The following MAP2 variants were observed in gnomAD, a reference collection of about 807,000 sequenced individuals.
The protein encoded by MAP2 is microtubule associated protein 2.
MAP2 carries 14 observed loss-of-function variants against 137.6 expected under a neutral mutation model. The ratio of observed to expected loss-of-function variants is 0.10; its 90% CI spans 0.07 to 0.16. The LOEUF (loss-of-function observed/expected upper bound fraction) is 0.16. Ranked by LOEUF, MAP2 falls within the 10% of genes least tolerant of loss-of-function variation. The pLI, the probability that MAP2 is intolerant of heterozygous loss-of-function variation, is 1.00. For synonymous variants in MAP2, 786 were observed against 782.3 expected (o/e 1.00, Z -0.08); for missense variants, 2,088 against 2,191.5 (o/e 0.95, Z 0.94).
At chr2:209,661,375 C>T (rs2043547880) in intron 5 of MAP2, 2 of 267,624 alleles carry the variant, frequency 7.5e-6, no homozygotes, top group African/African-American at 2.3e-5. Context: ...TAAACAAGCT[C>T]GCCTAACAAT....
chr2:209,580,549 A>C (rs1012298126), intron 3 of MAP2, among the ~76,000 whole-genome samples: 1 of 152,208 alleles, frequency 6.6e-6, no homozygotes, highest in Non-Finnish European at 1.5e-5. Flanking sequence ...ACGAAAGCCC[A>C]GGAATGACTC....
chr2:209,641,720 A>G (rs2094040926), intron 4 of MAP2, among the ~76,000 whole-genome samples: 1 of 151,966 alleles, frequency 6.6e-6, no homozygotes, highest in South Asian at 2.1e-4. Flanking sequence ...AAAAAAAATT[A>G]CTGGTAGAGA....
At chr2:209,506,993 C>A (rs924566475) in intron 1 of MAP2, among the ~76,000 whole-genome samples, 1 of 152,132 alleles carries the variant, frequency 6.6e-6, no homozygotes, top group African/African-American at 2.4e-5. Flanking sequence ...TTTTTTCCTC[C>A]GCCTTCATAT....
intron 2 of MAP2, among the ~76,000 whole-genome samples, chr2:209,568,417 A>G (rs1044361230): frequency 1.3e-5 from 2 of 152,002 alleles, no homozygotes; most frequent in Non-Finnish European, 2.9e-5. Context: ...CTATAGGATC[A>G]TGCAGAATTT....
chr2:209,455,518 C>T (rs960040615), intron 1 of MAP2, among the ~76,000 whole-genome samples: 1 of 152,122 alleles, frequency 6.6e-6, no homozygotes, highest in Non-Finnish European at 1.5e-5. Context: ...TATTTATCAT[C>T]CCTTGTAATG....
chr2:209,730,436 A>G lies in MAP2; in HGVS notation c.*39A>G. On this transcript the variant is annotated 3_prime_UTR_variant, in exon 16 of 16. Transcript: ENST00000682079. Reference sequence around the variant, plus strand: ...AGCATTGAAATAATAATATTTAGGCATGAGCTCTTGGCAGGAGTGGGCTCT... The same window carrying G: ...AGCATTGAAATAATAATATTTAGGCGTGAGCTCTTGGCAGGAGTGGGCTCT... 6.7e-7 allele frequency: 1 copy of G among 1,499,256 alleles called. No homozygotes were observed. Among genetic ancestry groups the G allele is most frequent in the African/African-American group, 1.4e-5 (1 of 72,542 alleles). The allele number at this position is 1,499,256 out of a possible 1,614,324, so 92.9% of individuals were successfully genotyped here. A position where few individuals can be genotyped will look rare whatever the true frequency, so the allele number is the denominator to read the frequency against.
intron 2 of MAP2, among the ~76,000 whole-genome samples, chr2:209,560,484 T>C (rs955076853): frequency 1.4e-5 from 2 of 147,218 alleles, no homozygotes; most frequent in East Asian, 1.9e-4. Context: ...TGAGATTCTT[T>C]TTTTTTTTTT....
intron 4 of MAP2, among the ~76,000 whole-genome samples, chr2:209,632,521 A>ATTCTT (rs2153554927): frequency 6.6e-6 from 1 of 152,282 alleles, no homozygotes; most frequent in African/African-American, 2.4e-5. Context: ...GACTATTAAG[A>ATTCTT]GACAGGAAAA....
intron 1 of MAP2, among the ~76,000 whole-genome samples, chr2:209,453,790 A>C (rs942658885): frequency 6.6e-6 from 1 of 152,034 alleles, no homozygotes; most frequent in Non-Finnish European, 1.5e-5. Flanking sequence ...ATGAGTCACT[A>C]TCTTAATGTG....
intron 1 of MAP2, among the ~76,000 whole-genome samples, chr2:209,462,942 T>A (rs1427711379): frequency 1.3e-5 from 2 of 152,172 alleles, no homozygotes; most frequent in Non-Finnish European, 2.9e-5. Flanking sequence ...TCTGTAATTA[T>A]CTGTTTGTAT....
Position 209,434,814 on chromosome 2 carries a change from CCT to C in MAP2, c.-222+10557_-222+10558del, listed in dbSNP as rs58596249. 1.4e-3 allele frequency among the ~76,000 whole-genome samples: 141 copies of C among 103,214 alleles called. 5 individuals are homozygous for C. Among genetic ancestry groups the C allele is most frequent in the African/African-American group, 6.1e-3 (123 of 20,006 alleles). The allele number at this position is 103,214 out of a possible 152,430, so 67.7% of individuals were successfully genotyped here. On this transcript the variant is annotated intron_variant, in intron 1 of 15. Coordinates refer to ENST00000682079, the MANE Select transcript of MAP2 (RefSeq NM_001375505.1). Reference sequence around the variant, plus strand: ...TCCAGCCTGCATGACAGAGCCAGATCCTCTCTCTCTCTCTCTCTCTATATATA... The same window carrying C: ...TCCAGCCTGCATGACAGAGCCAGATCCTCTCTCTCTCTCTCTCTATATATA...
intron 1 of MAP2, among the ~76,000 whole-genome samples, chr2:209,463,024 C>T (rs1233180703): frequency 6.6e-6 from 1 of 152,076 alleles, no homozygotes; most frequent in Non-Finnish European, 1.5e-5. Flanking sequence ...TGCACACACA[C>T]ATGCACGAGT....
At chr2:209,478,985 A>G (rs1440843182) in intron 1 of MAP2, among the ~76,000 whole-genome samples, 2 of 152,324 alleles carry the variant, frequency 1.3e-5, no homozygotes, top group East Asian at 1.9e-4. Context: ...GCCTGCCTTC[A>G]TTTAAGTAGT....
At chr2:209,585,145 G>A (rs765481229) in intron 3 of MAP2, among the ~76,000 whole-genome samples, 3 of 151,872 alleles carry the variant, frequency 2.0e-5, no homozygotes, top group South Asian at 2.1e-4. Flanking sequence ...GAGGGAGGGC[G>A]TGGGTGTTAT....
chr2:209,462,902 G>C (rs1703177731), intron 1 of MAP2, among the ~76,000 whole-genome samples: 1 of 152,030 alleles, frequency 6.6e-6, no homozygotes, highest in African/African-American at 2.4e-5. Context: ...GCTTTTGGGA[G>C]CCCAATCTCT....
intron 5 of MAP2, among the ~76,000 whole-genome samples, chr2:209,678,245 C>A (rs529298559): frequency 6.6e-6 from 1 of 152,076 alleles, no homozygotes; most frequent in South Asian, 2.1e-4. Context: ...TACAAACACT[C>A]ATTCTATAAC....
At chr2:209,598,537 C>T (rs1217340605) in intron 3 of MAP2, among the ~76,000 whole-genome samples, 38 of 148,542 alleles carry the variant, frequency 2.6e-4, no homozygotes, top group Admixed American at 9.4e-4. Flanking sequence ...CATGCTGGTG[C>T]GCTGCACCCA....
At chr2:209,618,322 T>C (rs75792638) in intron 3 of MAP2, among the ~76,000 whole-genome samples, 10 of 152,256 alleles carry the variant, frequency 6.6e-5, no homozygotes, top group African/African-American at 2.4e-4. Flanking sequence ...ATGTGAGGGT[T>C]TGTAACAGTA....
intron 2 of MAP2, among the ~76,000 whole-genome samples, chr2:209,547,156 C>G (rs2068238358): frequency 6.6e-6 from 1 of 152,054 alleles, no homozygotes; most frequent in Non-Finnish European, 1.5e-5. Flanking sequence ...CTTGTTGGCT[C>G]TTGCAGGGGA....
Sources: allele counts gnomAD v4.1 joint callset (sites outside exome capture counted in the v4.1 genomes callset), GRCh38; gene constraint gnomAD v4.1.1; transcripts MANE v1.5; gene names NCBI Gene and HGNC (gene_info 2026-07-23, HGNC 2026-07-21).